Variants in PRR16 observed in about 807,000 individuals in gnomAD.
The protein encoded by PRR16 is proline rich 16.
A neutral mutation model predicts 18.2 loss-of-function variants in PRR16; 6 were observed. That is an observed-to-expected ratio of 0.33 (90% CI 0.18 to 0.65). PRR16 has a LOEUF of 0.65. PRR16 is among the 30% of genes least tolerant of loss of function. The probability of loss-of-function intolerance (pLI) is 0.74; values close to 1 mark genes in which losing one functional copy is unlikely to be tolerated. For synonymous variants in PRR16, 151 were observed against 147.8 expected (o/e 1.02, Z -0.16); for missense variants, 412 against 376.6 (o/e 1.09, Z -0.78).
the PRR16 span, among the ~76,000 whole-genome samples, chr5:120,780,732 C>T: frequency 3.9e-5 from 6 of 152,152 alleles, no homozygotes; most frequent in Non-Finnish European, 8.8e-5. Flanking sequence ...GTTACTACAT[C>T]GTAGTAACCT....
At chr5:120,614,242 A>G (rs559691499) in intron 1 of PRR16, among the ~76,000 whole-genome samples, 3 of 152,280 alleles carry the variant, frequency 2.0e-5, no homozygotes, top group South Asian at 4.1e-4. Context: ...TTCCTCAAAA[A>G]CCTACTCAAG....
At chr5:120,700,867 C>G in the PRR16 span, among the ~76,000 whole-genome samples, 2 of 152,078 alleles carry the variant, frequency 1.3e-5, no homozygotes, top group African/African-American at 4.8e-5. Context: ...GCCGCTAAGC[C>G]GAGAAGATCT....
intron 1 of PRR16, among the ~76,000 whole-genome samples, chr5:120,568,731 C>A (rs1011644667): frequency 7.9e-5 from 12 of 151,996 alleles, no homozygotes; most frequent in African/African-American, 2.9e-4. Context: ...TATACATCAA[C>A]ACAAATTTTT....
intron 1 of PRR16, among the ~76,000 whole-genome samples, chr5:120,523,670 C>G (rs1334413101): frequency 6.6e-6 from 1 of 151,940 alleles, no homozygotes; most frequent in Non-Finnish European, 1.5e-5. Context: ...ACATTACTAC[C>G]TATAGTCAGT....
chr5:120,562,285 T>C (rs959430281), intron 1 of PRR16, among the ~76,000 whole-genome samples: 2 of 152,180 alleles, frequency 1.3e-5, no homozygotes, highest in African/African-American at 4.8e-5. Flanking sequence ...TTTTCTGATA[T>C]AAGTATAACC....
the PRR16 span, among the ~76,000 whole-genome samples, chr5:120,789,131 C>A: frequency 4.6e-5 from 7 of 151,982 alleles, no homozygotes; most frequent in South Asian, 1.5e-3. Flanking sequence ...TAAAGGCATT[C>A]CTCTGTCTCT....
intron 1 of PRR16, among the ~76,000 whole-genome samples, chr5:120,509,509 G>A (rs927327355): frequency 6.6e-6 from 1 of 151,970 alleles, no homozygotes; most frequent in Non-Finnish European, 1.5e-5. Context: ...TGGTTAAGAA[G>A]GGCTCCTCCA....
chr5:120,614,058 A>C (rs1160197878), intron 1 of PRR16, among the ~76,000 whole-genome samples: 1 of 152,212 alleles, frequency 6.6e-6, no homozygotes, highest in Admixed American at 6.5e-5. Context: ...TGCAGCTTGT[A>C]GTTTATGGGT....
At chr5:120,528,675 C>A (rs1751450131) in intron 1 of PRR16, among the ~76,000 whole-genome samples, 2 of 152,068 alleles carry the variant, frequency 1.3e-5, no homozygotes, top group South Asian at 4.1e-4. Context: ...AGTAGAGACC[C>A]CAAATCCAGA....
the PRR16 span, among the ~76,000 whole-genome samples, chr5:120,716,153 C>T: frequency 1.3e-5 from 2 of 152,134 alleles, no homozygotes; most frequent in Non-Finnish European, 2.9e-5. Flanking sequence ...CACATCTTTG[C>T]TACAGTTACT....
intron 1 of PRR16, among the ~76,000 whole-genome samples, chr5:120,679,912 G>A: frequency 6.6e-6 from 1 of 152,230 alleles, no homozygotes; most frequent in East Asian, 1.9e-4. Context: ...TGAACACATT[G>A]AAAGATTTAA....
intron 1 of PRR16, among the ~76,000 whole-genome samples, chr5:120,482,284 T>G (rs917531621): frequency 6.6e-6 from 1 of 152,108 alleles, no homozygotes; most frequent in Non-Finnish European, 1.5e-5. Context: ...TCCCGCTTCT[T>G]CTCTCCCCCC....
intron 1 of PRR16, among the ~76,000 whole-genome samples, chr5:120,568,396 G>A (rs1049697169): frequency 6.6e-6 from 1 of 152,074 alleles, no homozygotes; most frequent in African/African-American, 2.4e-5. Flanking sequence ...TGAACTTAAT[G>A]TCATTGTTTA....
chr5:120,472,052 C>T (rs929807747), intron 1 of PRR16, among the ~76,000 whole-genome samples: 5 of 152,124 alleles, frequency 3.3e-5, no homozygotes, highest in Non-Finnish European at 7.4e-5. Context: ...TCTTTGTTTT[C>T]TCTCTTTCTA....
chr5:120,676,518 A>ATGTG (rs1297345363), intron 1 of PRR16, among the ~76,000 whole-genome samples: 15 of 36,954 alleles, frequency 4.1e-4, no homozygotes, highest in South Asian at 3.2e-3. Context: ...ATATATATAT[A>ATGTG]TATATGTGTG....
intron 1 of PRR16, among the ~76,000 whole-genome samples, chr5:120,682,440 T>G (rs562594194): frequency 1.3e-5 from 2 of 152,186 alleles, no homozygotes; most frequent in Admixed American, 6.5e-5. Flanking sequence ...TTTTATTCTC[T>G]TGGAATTTTA....
intron 1 of PRR16, among the ~76,000 whole-genome samples, chr5:120,662,632 A>AT (rs1756215583): frequency 6.6e-6 from 1 of 152,080 alleles, no homozygotes; most frequent in African/African-American, 2.4e-5. Flanking sequence ...AATAGTGTTT[A>AT]TAGAGTCACC....
chr5:120,753,510 T>A, the PRR16 span, among the ~76,000 whole-genome samples: 1 of 151,848 alleles, frequency 6.6e-6, no homozygotes, highest in South Asian at 2.1e-4. Context: ...AGAAACTTGA[T>A]GAGTAAAGAA....
At chr5:120,742,972 G>A in the PRR16 span, among the ~76,000 whole-genome samples, 1 of 152,212 alleles carries the variant, frequency 6.6e-6, no homozygotes, top group Non-Finnish European at 1.5e-5. Context: ...TCATCTGACA[G>A]AAGGCTGTGA....
Sources: gnomAD v4.1 joint callset for allele counts (sites outside exome capture counted in the v4.1 genomes callset) on GRCh38, gnomAD v4.1.1 for gene constraint, MANE v1.5 for transcripts, NCBI Gene and HGNC (gene_info 2026-07-23, HGNC 2026-07-21) for gene names.